Variants in CEP164 observed in about 807,000 individuals in gnomAD.
CEP164 encodes the protein centrosomal protein of 164 kDa.
A neutral mutation model predicts 182.7 loss-of-function variants in CEP164; 162 were observed. That is an observed-to-expected ratio of 0.89 (90% CI 0.78 to 1.01). CEP164 has a LOEUF of 1.01. Among genes scored for constraint, CEP164 ranks in the 50% least tolerant of loss-of-function variants. The probability of loss-of-function intolerance (pLI) is 0.00; values close to 1 mark genes in which losing one functional copy is unlikely to be tolerated. For missense variants in CEP164, 1,735 were observed against 1,790.4 expected, an observed-to-expected ratio of 0.97 and a Z score of 0.56; for synonymous variants, 661 against 690.0, an observed-to-expected ratio of 0.96 and a Z score of 0.66.
chr11:117,412,115 C>T lies in CEP164; in HGVS notation c.4330C>T (p.Leu1444Phe), dbSNP rs143919649. Residue 1444 changes from leucine (L) to phenylalanine (F), a missense_variant, in exon 33 of 33, where the codon CTC (leucine) becomes TTC (phenylalanine). Transcript: ENST00000278935. ...ACCCAAGCCAAAAGCTACTTTGAGCCTCCTGCAGCTGGGCCTTGATGAGCA... is the reference window on the plus strand; with the variant it reads ...ACCCAAGCCAAAAGCTACTTTGAGCTTCCTGCAGCTGGGCCTTGATGAGCA... ...STPKPKATLS[L>F]LQLGLDEHNR... is the part of the protein sequence containing the mutation. 6.2e-7 allele frequency: 1 copy of T among 1,614,210 alleles called. No homozygotes were observed. Among genetic ancestry groups the T allele is most frequent in the East Asian group, 2.2e-5 (1 of 44,880 alleles).
intron 2 of CEP164, among the ~76,000 whole-genome samples, chr11:117,336,813 C>T (rs1433602650): frequency 6.6e-6 from 1 of 151,976 alleles, no homozygotes; most frequent in Admixed American, 6.6e-5. Flanking sequence ...CTTGTGGCTC[C>T]AGACTCCTGT....
At chr11:117,401,970 C>G (rs530811646) in intron 27 of CEP164, among the ~76,000 whole-genome samples, 6 of 152,172 alleles carry the variant, frequency 3.9e-5, no homozygotes, top group Middle Eastern at 3.4e-3. Flanking sequence ...GTCTCTATCT[C>G]CTTTAATTCT....
intron 1 of CEP164, among the ~76,000 whole-genome samples, chr11:117,333,180 T>C (rs1366449404): frequency 8.5e-6 from 1 of 118,078 alleles, no homozygotes; most frequent in Non-Finnish European, 1.8e-5. Flanking sequence ...GCATGGCTGA[T>C]ATTTTTAATT....
intron 28 of CEP164, 50 bp from the exon 29 acceptor site, chr11:117,408,840 T>A: frequency 1.2e-6 from 2 of 1,608,530 alleles, no homozygotes; most frequent in Non-Finnish European, 1.7e-6. Context: ...AAAGGAAGGG[T>A]AGAAAGCACG....
intron 7 of CEP164, among the ~76,000 whole-genome samples, chr11:117,362,911 A>G (rs2135712064): frequency 1.3e-5 from 2 of 152,288 alleles, no homozygotes. Context: ...GGAATTATAC[A>G]ATGTTTGTCC....
At position 117,361,846 on chromosome 11, in the gene CEP164, C is replaced by T; in HGVS notation, c.405C>T (p.Ser135=). The T allele has an allele frequency of 1.2e-6, 2 of 1,614,218 alleles. No individual in the cohort carries two copies. The highest frequency in any genetic ancestry group is 1.7e-4 in the Middle Eastern group (1 of 6,060). Residue 135 remains serine (S), a synonymous_variant, in exon 6 of 33, where the codon TCC becomes TCT. Coordinates refer to ENST00000278935, the MANE Select transcript of CEP164 (RefSeq NM_014956.5). The part of the protein sequence containing the change: ...DPPKSSLALG[S]SLAPVHVPLG... ...TTTCTGTTGCACAGGCCTTGGGTTC[C>T]TCATTAGCCCCAGTTCATGTTCCTC...
intron 27 of CEP164, among the ~76,000 whole-genome samples, chr11:117,397,597 C>T (rs1364319674): frequency 6.6e-6 from 1 of 152,180 alleles, no homozygotes; most frequent in African/African-American, 2.4e-5. Context: ...ACTTACAGTT[C>T]CACATGGCTG....
intron 3 of CEP164, among the ~76,000 whole-genome samples, chr11:117,342,769 C>A (rs1193846966): frequency 6.6e-6 from 1 of 152,126 alleles, no homozygotes; most frequent in African/African-American, 2.4e-5. Flanking sequence ...AACCACCATG[C>A]CTGGCTGAGA....
rs2045158739 is a variant in CEP164 at position 117,394,485 on chromosome 11, A to G, written c.2752A>G (p.Arg918Gly). The G allele has an allele frequency of 6.2e-7, 1 of 1,613,822 alleles. No individual in the cohort carries two copies. Among genetic ancestry groups the G allele is most frequent in the Admixed American group, 1.7e-5 (1 of 60,020 alleles). Residue 918 changes from arginine to glycine, a missense_variant, in exon 21 of 33, where the codon AGG becomes GGG. Coordinates refer to ENST00000278935, the MANE Select transcript of CEP164 (RefSeq NM_014956.5). This position sits in a 1 kb window ranked among gnomAD's most constrained non-coding sequence, Gnocchi z 4.0. ...TCTTGAGGACTTGCGGCGCCGGCAC[A>G]GGGAGCAGGTGAGGGGCCTGGGGCA... Reference protein sequence around the residue: ...KRLEDLRRRHREQERKLQDLE... With the variant: ...KRLEDLRRRHGEQERKLQDLE...
chr11:117,391,285 C>T, intron 17 of CEP164, 70 bp downstream of exon 17: 1 of 1,451,402 alleles, frequency 6.9e-7, no homozygotes, highest in Non-Finnish European at 9.4e-7. Context: ...ACTGAGTGCA[C>T]AAGGAGAAGA....
chr11:117,323,855 C>T (rs1183268938), upstream of CEP164: 1 of 416,064 alleles, frequency 2.4e-6, no homozygotes, highest in African/African-American at 2.0e-5. Context: ...TAACGTTGAA[C>T]ATTTTTTCAC....
At chr11:117,391,284 A>C (rs2044617934) in intron 17 of CEP164, 69 bp downstream of exon 17, 1 of 1,457,584 alleles carries the variant, frequency 6.9e-7, no homozygotes, top group Non-Finnish European at 9.4e-7. Context: ...GACTGAGTGC[A>C]CAAGGAGAAG....
At chr11:117,362,317 T>C in intron 6 of CEP164, 87 bp from the exon 7 acceptor site, 2 of 1,408,218 alleles carry the variant, frequency 1.4e-6, no homozygotes, top group South Asian at 2.7e-5. Context: ...TGGGAGACAT[T>C]GACATAGAGA....
At chr11:117,363,759 C>CCTT (rs2041289174) in intron 8 of CEP164, among the ~76,000 whole-genome samples, 1 of 58,440 alleles carries the variant, frequency 1.7e-5, no homozygotes, top group African/African-American at 7.5e-5. Context: ...ACCTCCAATG[C>CCTT]TTTTTTTTTT....
At chr11:117,365,062 C>T (rs1473464533) in intron 8 of CEP164, among the ~76,000 whole-genome samples, 3 of 152,204 alleles carry the variant, frequency 2.0e-5, no homozygotes, top group African/African-American at 7.2e-5. Context: ...ATTTTCTTCT[C>T]CACCACCAGT....
intron 27 of CEP164, among the ~76,000 whole-genome samples, chr11:117,403,428 G>C (rs1054484697): frequency 6.6e-6 from 1 of 152,192 alleles, no homozygotes; most frequent in Non-Finnish European, 1.5e-5. Flanking sequence ...CACTTATGAA[G>C]CTTAGTTTGG....
In CEP164 at chr11:117,374,768, G is replaced by A. The variant is rs553284313; in HGVS notation, c.1233+937G>A. On this transcript the variant is annotated intron_variant, in intron 10 of 32. Transcript: ENST00000278935. ...AAAGCAGTCACCCATGTGGAGAAAC[G>A]TGCCCATCAGCGTTTTTCTTCTCTA... Among the ~76,000 whole-genome samples the A allele has an allele frequency of 2.6e-5, 4 of 152,340 alleles. No individual in the cohort carries two copies. In the East Asian group the frequency reaches 5.8e-4, roughly 22 times the overall value.
Position 117,394,303 on chromosome 11 carries a change from G to A in CEP164, c.2617-47G>A. The A allele has an allele frequency of 6.4e-7, 1 of 1,557,380 alleles. No individual in the cohort carries two copies. The highest frequency in any genetic ancestry group is 8.7e-7 in the Non-Finnish European group (1 of 1,150,082). ...TAGGGGAGCTGTGATTTTTGTGGTA[G>A]AAGGGGCTGCCGCAGCTTCCCACCG... On this transcript the variant is annotated intron_variant, in intron 20 of 32. Coordinates refer to ENST00000278935, the MANE Select transcript of CEP164 (RefSeq NM_014956.5). The surrounding 1 kb of genome is among the most constrained non-coding windows in gnomAD (Gnocchi z 4.0).
At chr11:117,377,203 G>A (rs1449043851) in intron 11 of CEP164, among the ~76,000 whole-genome samples, 1 of 152,170 alleles carries the variant, frequency 6.6e-6, no homozygotes, top group African/African-American at 2.4e-5. Flanking sequence ...GGGGCCAGGG[G>A]TGGGGGCATT....
Sources: allele counts gnomAD v4.1 joint callset (sites outside exome capture counted in the v4.1 genomes callset), GRCh38; gene constraint gnomAD v4.1.1; non-coding constraint Gnocchi (gnomAD v3.1); transcripts MANE v1.5; gene names NCBI Gene and HGNC (gene_info 2026-07-23, HGNC 2026-07-21).